Variants in IL1RAPL1 observed in about 807,000 individuals in gnomAD.
IL1RAPL1 encodes interleukin-1 receptor accessory protein-like 1.
A neutral mutation model predicts 48.4 loss-of-function variants in IL1RAPL1; 3 were observed. The observed-to-expected ratio is 0.06, with a 90% confidence interval of 0.03 to 0.16. The LOEUF is 0.16. Among genes scored for constraint, IL1RAPL1 ranks in the 10% least tolerant of loss-of-function variants. The pLI is 1.00. For synonymous variants in IL1RAPL1, 185 were observed against 187.7 expected, an observed-to-expected ratio of 0.99 and a Z score of 0.12; for missense variants, 349 against 530.6, an observed-to-expected ratio of 0.66 and a Z score of 3.36.
intron 1 of IL1RAPL1, among the ~76,000 whole-genome samples, chrX:28,616,441 T>C (rs1339644769): frequency 8.1e-5 from 9 of 110,853 alleles, no homozygotes; most frequent in Non-Finnish European, 1.1e-4. Flanking sequence ...TTCTTTCTTT[T>C]TTTTTTTTTT....
intron 2 of IL1RAPL1, among the ~76,000 whole-genome samples, chrX:29,014,240 C>A (rs1014204422): frequency 7.1e-5 from 8 of 112,102 alleles, no homozygotes; most frequent in African/African-American, 2.6e-4. Flanking sequence ...AAAGAGTATT[C>A]ATTGGCCTGG....
At chrX:29,525,233 C>T (rs1935541117) in intron 5 of IL1RAPL1, among the ~76,000 whole-genome samples, 1 of 111,718 alleles carries the variant, frequency 9.0e-6, no homozygotes, top group Admixed American at 9.5e-5. Flanking sequence ...AGTGATATAG[C>T]CCAATATACC....
chrX:29,672,637 C>A (rs1473447114), intron 6 of IL1RAPL1, among the ~76,000 whole-genome samples: 2 of 111,674 alleles, frequency 1.8e-5, no homozygotes, highest in Non-Finnish European at 3.8e-5. Flanking sequence ...CCTCCAGATT[C>A]TATGTTTCTT....
At chrX:28,771,387 A>C (rs1180619684) in intron 1 of IL1RAPL1, among the ~76,000 whole-genome samples, 3 of 112,687 alleles carry the variant, frequency 2.7e-5, no homozygotes, top group Non-Finnish European at 5.6e-5. Flanking sequence ...AGCAAAGAGA[A>C]GAGAATGAAT....
In IL1RAPL1 at chrX:29,857,732, G is replaced by A. The variant is rs570106093; in HGVS notation, c.779-59732G>A. 1.8e-4 allele frequency among the ~76,000 whole-genome samples: 20 copies of A among 111,709 alleles called. No homozygotes were observed. The South Asian group carries it at 7.4e-3, about 42-fold the overall frequency. ...AATATGAATTTTATTTGACACAGGA[G>A]CCCTTGTAAGAAAATGAAGAACCAA... is the stretch of plus-strand genomic sequence containing the variant. On this transcript the variant is annotated intron_variant, in intron 6 of 10. Coordinates refer to ENST00000378993, the MANE Select transcript of IL1RAPL1 (RefSeq NM_014271.4).
At chrX:29,938,991 T>C in intron 8 of IL1RAPL1, among the ~76,000 whole-genome samples, 1 of 112,571 alleles carries the variant, frequency 8.9e-6, no homozygotes, top group Middle Eastern at 4.6e-3. Context: ...TAATGGACAT[T>C]TAAGTTGTCT....
chrX:28,909,508 T>G (rs1032562275), intron 2 of IL1RAPL1, among the ~76,000 whole-genome samples: 3 of 111,555 alleles, frequency 2.7e-5, no homozygotes, highest in African/African-American at 9.7e-5. Context: ...TATTTCCTTT[T>G]TATAAACATC....
At chrX:29,375,602 G>A (rs765129591) in intron 3 of IL1RAPL1, among the ~76,000 whole-genome samples, 115 of 111,708 alleles carry the variant, frequency 1.0e-3, no homozygotes, top group African/African-American at 3.6e-3. Context: ...CTAAGGAAAC[G>A]ACCCTCTAAG....
intron 2 of IL1RAPL1, among the ~76,000 whole-genome samples, chrX:29,126,370 A>G (rs184159573): frequency 8.0e-5 from 9 of 112,470 alleles, no homozygotes; most frequent in African/African-American, 2.9e-4. Flanking sequence ...TTTATTCTCA[A>G]TAATGTGCAG....
intron 9 of IL1RAPL1, among the ~76,000 whole-genome samples, chrX:29,944,061 T>TA (rs1284430987): frequency 8.9e-6 from 1 of 112,011 alleles, no homozygotes; most frequent in Admixed American, 9.5e-5. Flanking sequence ...GAGGCCATCT[T>TA]AAGCACAATC....
chrX:29,701,988 C>T (rs1214370950), intron 6 of IL1RAPL1, among the ~76,000 whole-genome samples: 1 of 111,767 alleles, frequency 8.9e-6, no homozygotes, highest in African/African-American at 3.3e-5. Flanking sequence ...GGCGCGGTGG[C>T]TCATGCCTGT....
At chrX:28,873,622 C>G (rs745357494) in intron 2 of IL1RAPL1, among the ~76,000 whole-genome samples, 15 of 99,954 alleles carry the variant, frequency 1.5e-4, no homozygotes, top group African/African-American at 5.7e-4. Flanking sequence ...AGTTCCGCCT[C>G]CGGGGTTCAC....
At chrX:29,722,409 T>C (rs1220924940) in intron 6 of IL1RAPL1, among the ~76,000 whole-genome samples, 1 of 112,317 alleles carries the variant, frequency 8.9e-6, no homozygotes, top group African/African-American at 3.2e-5. Flanking sequence ...ACCTACATTT[T>C]CTCCCAGTGC....
At chrX:29,941,539 C>G in intron 8 of IL1RAPL1, 112 bp from the exon 9 acceptor site, 1 of 786,191 alleles carries the variant, frequency 1.3e-6, no homozygotes, top group Non-Finnish European at 2.0e-6. Context: ...TTGTGTCAAC[C>G]CGTTAACCCA....
chrX:29,887,105 T>A (rs1317988307), intron 6 of IL1RAPL1, among the ~76,000 whole-genome samples: 1 of 112,020 alleles, frequency 8.9e-6, no homozygotes, highest in Admixed American at 9.5e-5. Context: ...AAGAAAATAC[T>A]TCTTCAGCAC....
intron 5 of IL1RAPL1, among the ~76,000 whole-genome samples, chrX:29,480,662 A>G (rs1935033108): frequency 9.0e-6 from 1 of 110,949 alleles, no homozygotes; most frequent in African/African-American, 3.3e-5. Flanking sequence ...TTATGTAAAA[A>G]GTAAACACAA....
In IL1RAPL1 at chrX:29,169,239, A is replaced by G. The variant is rs184351287; in HGVS notation, c.83-113699A>G. Among the ~76,000 whole-genome samples, 10 of 109,574 alleles carry G rather than the reference A, an allele frequency of 9.1e-5. No homozygotes were observed. The South Asian group carries it at 1.2e-3, about 13-fold the overall frequency. On this transcript the variant is annotated intron_variant, in intron 2 of 10. Coordinates refer to ENST00000378993, the MANE Select transcript of IL1RAPL1 (RefSeq NM_014271.4). ...TTTTATTTTTTTGAGGAAACTCCAT[A>G]CTGTTTTCCATAATGGCTATTCTAA...
chrX:29,639,556 T>G (rs972521957), intron 5 of IL1RAPL1, among the ~76,000 whole-genome samples: 9 of 108,291 alleles, frequency 8.3e-5, no homozygotes, highest in Non-Finnish European at 1.7e-4. Context: ...TTTTTTTTTT[T>G]TTTTTTTTTT....
At chrX:29,868,143 T>C (rs1282542074) in intron 6 of IL1RAPL1, among the ~76,000 whole-genome samples, 1 of 112,188 alleles carries the variant, frequency 8.9e-6, no homozygotes, top group Admixed American at 9.5e-5. Flanking sequence ...CATAATCCTA[T>C]TACTTTTGGC....
Sources: gnomAD v4.1 joint callset for allele counts (sites outside exome capture counted in the v4.1 genomes callset) on GRCh38, gnomAD v4.1.1 for gene constraint, MANE v1.5 for transcripts, NCBI Gene and HGNC (gene_info 2026-07-23, HGNC 2026-07-21) for gene names.